Variants in SYNDIG1 observed in about 807,000 individuals in gnomAD.
SYNDIG1 encodes synapse differentiation-inducing gene protein 1.
In SYNDIG1, 9 loss-of-function variants were observed where a neutral mutation model predicts 19.4. The ratio of observed to expected loss-of-function variants is 0.46; its 90% confidence interval spans 0.28 to 0.81. The LOEUF (loss-of-function observed/expected upper bound fraction) is 0.81. Among genes scored for constraint, SYNDIG1 ranks in the 30% least tolerant of loss-of-function variants. The pLI is 0.12. For synonymous variants in SYNDIG1, 141 were observed against 145.9 expected (o/e 0.97, Z 0.24); for missense variants, 311 against 343.3 (o/e 0.91, Z 0.74).
At chr20:24,633,100 G>A (rs980631675) in intron 3 of SYNDIG1, among the ~76,000 whole-genome samples, 3 of 152,082 alleles carry the variant, frequency 2.0e-5, no homozygotes, top group Non-Finnish European at 4.4e-5. Flanking sequence ...AGACCGTGTC[G>A]AATCTGAACA....
At chr20:24,657,237 G>T (rs902420788) in intron 3 of SYNDIG1, among the ~76,000 whole-genome samples, 1 of 152,200 alleles carries the variant, frequency 6.6e-6, no homozygotes, top group Non-Finnish European at 1.5e-5. Flanking sequence ...GATAGCAGCT[G>T]CCCGGTCCAG....
rs372052648 is a variant in SYNDIG1 at position 24,479,987 on chromosome 20, C to T, written c.-79+10234C>T. ...ACACAAATGCCTGCACACACACACA[C>T]TCCATGGTCCCACACGTGCACGCGC... On this transcript the variant is annotated intron_variant, in intron 1 of 3. Transcript: ENST00000376862. Among the ~76,000 whole-genome samples the T allele has an allele frequency of 5.3e-5, 8 of 152,356 alleles. No individual in the cohort carries two copies. The East Asian group carries it at 1.2e-3, about 22-fold the overall frequency.
At chr20:24,595,606 G>A (rs1161820510) in intron 3 of SYNDIG1, among the ~76,000 whole-genome samples, 3 of 152,140 alleles carry the variant, frequency 2.0e-5, no homozygotes, top group Non-Finnish European at 2.9e-5. Context: ...GGTGGAATTC[G>A]GCTGTGAAGC....
At chr20:24,603,541 A>C (rs1417620631) in intron 3 of SYNDIG1, among the ~76,000 whole-genome samples, 1 of 152,284 alleles carries the variant, frequency 6.6e-6, no homozygotes, top group East Asian at 1.9e-4. Flanking sequence ...GGAGGAAGTA[A>C]ATCGCAGGAC....
chr20:24,573,199 T>C (rs2058173082), intron 2 of SYNDIG1, among the ~76,000 whole-genome samples: 1 of 152,234 alleles, frequency 6.6e-6, no homozygotes, highest in Non-Finnish European at 1.5e-5. Context: ...ATTTAGTAAC[T>C]GGATCAACAG....
At chr20:24,559,519 A>G (rs1387591309) in intron 2 of SYNDIG1, among the ~76,000 whole-genome samples, 1 of 152,222 alleles carries the variant, frequency 6.6e-6, no homozygotes, top group African/African-American at 2.4e-5. Flanking sequence ...ATAAAAATGT[A>G]TTTATACAGT....
chr20:24,589,676 A>T (rs556966406), intron 3 of SYNDIG1, among the ~76,000 whole-genome samples: 74 of 152,254 alleles, frequency 4.9e-4, no homozygotes, highest in Admixed American at 2.2e-3. Context: ...GCATCCAAGC[A>T]TTTATTATGT....
chr20:24,578,366 C>T (rs2058263779), intron 2 of SYNDIG1, among the ~76,000 whole-genome samples: 1 of 151,706 alleles, frequency 6.6e-6, no homozygotes, highest in South Asian at 2.1e-4. Context: ...TTGCTTGAAC[C>T]CGGGAGGCGG....
intron 1 of SYNDIG1, among the ~76,000 whole-genome samples, chr20:24,481,605 A>G (rs1490413407): frequency 6.6e-6 from 1 of 152,242 alleles, no homozygotes; most frequent in Non-Finnish European, 1.5e-5. Flanking sequence ...TCAAGGAGGC[A>G]AATTAGACCC....
At chr20:24,502,893 C>T (rs574664344) in intron 1 of SYNDIG1, among the ~76,000 whole-genome samples, 112 of 152,292 alleles carry the variant, frequency 7.4e-4, no homozygotes, top group Middle Eastern at 3.4e-3. Context: ...AGAGCGCTGA[C>T]GTGGGAGTTT....
chr20:24,550,735 C>T (rs2057690806), intron 2 of SYNDIG1, among the ~76,000 whole-genome samples: 2 of 152,148 alleles, frequency 1.3e-5, no homozygotes, highest in Non-Finnish European at 2.9e-5. Flanking sequence ...TGGTCTCGAT[C>T]TCCTGACCTC....
chr20:24,555,432 G>A (rs2057794283), intron 2 of SYNDIG1, among the ~76,000 whole-genome samples: 1 of 152,020 alleles, frequency 6.6e-6, no homozygotes, highest in Non-Finnish European at 1.5e-5. Flanking sequence ...GCTTTCTCTT[G>A]TGGGCATTTA....
chr20:24,493,022 A>G (rs1000684199), intron 1 of SYNDIG1, among the ~76,000 whole-genome samples: 1 of 152,216 alleles, frequency 6.6e-6, no homozygotes, highest in African/African-American at 2.4e-5. Flanking sequence ...CAGGTAAGGG[A>G]TATTGAAATT....
At chr20:24,636,056 T>G (rs1408763377) in intron 3 of SYNDIG1, among the ~76,000 whole-genome samples, 1 of 152,230 alleles carries the variant, frequency 6.6e-6, no homozygotes, top group African/African-American at 2.4e-5. Flanking sequence ...CACTGCTTGT[T>G]CACTGTTGTC....
At chr20:24,522,579 C>T (rs938901207) in intron 1 of SYNDIG1, among the ~76,000 whole-genome samples, 1 of 152,180 alleles carries the variant, frequency 6.6e-6, no homozygotes, top group Non-Finnish European at 1.5e-5. Context: ...CTGTTGTATT[C>T]ATTTCACTCT....
intron 1 of SYNDIG1, among the ~76,000 whole-genome samples, chr20:24,517,689 T>C (rs971180574): frequency 5.9e-4 from 86 of 145,790 alleles, no homozygotes; most frequent in African/African-American, 2.0e-3. Flanking sequence ...TATGTATATA[T>C]ATATACACAT....
intron 1 of SYNDIG1, among the ~76,000 whole-genome samples, chr20:24,478,946 CTGT>C (rs1568569508): frequency 6.6e-6 from 1 of 152,208 alleles, no homozygotes; most frequent in African/African-American, 2.4e-5. Context: ...CTCGTGGGCA[CTGT>C]GTTCTTGTCT....
intron 1 of SYNDIG1, among the ~76,000 whole-genome samples, chr20:24,496,630 AT>A (rs2056312145): frequency 6.6e-6 from 1 of 152,256 alleles, no homozygotes; most frequent in East Asian, 1.9e-4. Context: ...TAAAATGGGC[AT>A]CATAATTCAT....
chr20:24,514,533 A>G (rs1316379334), intron 1 of SYNDIG1, among the ~76,000 whole-genome samples: 1 of 152,250 alleles, frequency 6.6e-6, no homozygotes, highest in Non-Finnish European at 1.5e-5. Flanking sequence ...AAAGAAGGCC[A>G]TTACATAATG....
Sources: allele counts gnomAD v4.1 joint callset (sites outside exome capture counted in the v4.1 genomes callset), GRCh38; gene constraint gnomAD v4.1.1; transcripts MANE v1.5; gene names NCBI Gene and HGNC (gene_info 2026-07-23, HGNC 2026-07-21).